The following NEK1 variants were observed in gnomAD, a reference collection of about 807,000 sequenced individuals.
NEK1 encodes NIMA related kinase 1, also known as serine/threonine-protein kinase Nek1.
In NEK1, 137 loss-of-function variants were observed where a neutral mutation model predicts 182.1. That is an observed-to-expected ratio of 0.75 (90% CI 0.65 to 0.87). The LOEUF is 0.87. Among genes scored for constraint, NEK1 ranks in the 40% least tolerant of loss-of-function variants. The probability of loss-of-function intolerance (pLI) is 0.00; values close to 1 mark genes in which losing one functional copy is unlikely to be tolerated. For missense variants in NEK1, 1,391 were observed against 1,494.4 expected, an observed-to-expected ratio of 0.93 and a Z score of 1.14; for synonymous variants, 513 against 492.2, an observed-to-expected ratio of 1.04 and a Z score of -0.56.
rs4257622 is a variant in NEK1 at position 169,602,767 on chromosome 4, T to C, written c.-48-89A>G. On this transcript the variant is annotated intron_variant, in intron 2 of 35. Transcript: ENST00000507142. ...ATGTTTAATTCAAATTCTAATTCTT[T>C]AGTGATTTGCTAACATTTTAAAAAA... 0.073 allele frequency: 40,693 copies of C among 557,028 alleles called. 1,851 individuals carry two copies. Among genetic ancestry groups the C allele is most frequent in the African/African-American group, 0.16 (8,282 of 51,056 alleles). The allele number at this position is 557,028 out of a possible 1,614,324, so 34.5% of individuals were successfully genotyped here. A position where few individuals can be genotyped will look rare whatever the true frequency, so the allele number is the denominator to read the frequency against.
chr4:169,453,629 G>C (rs1246968722), intron 27 of NEK1, among the ~76,000 whole-genome samples: 1 of 152,260 alleles, frequency 6.6e-6, no homozygotes. Flanking sequence ...ACAATAGCAT[G>C]AGCGATCTGT....
At chr4:169,589,020 T>G (rs1425795433) in intron 7 of NEK1, among the ~76,000 whole-genome samples, 4 of 152,168 alleles carry the variant, frequency 2.6e-5, no homozygotes, top group African/African-American at 7.2e-5. Flanking sequence ...ACTCACTCAC[T>G]CACAGAAAGC....
intron 31 of NEK1, among the ~76,000 whole-genome samples, chr4:169,409,699 C>G (rs1236569379): frequency 6.6e-6 from 1 of 151,614 alleles, no homozygotes; most frequent in Admixed American, 6.6e-5. Flanking sequence ...ACCTAGGAGG[C>G]GGAGGTTGTA....
chr4:169,530,811 A>C (rs1757559966), intron 19 of NEK1, among the ~76,000 whole-genome samples: 1 of 151,356 alleles, frequency 6.6e-6, no homozygotes, highest in South Asian at 2.1e-4. Flanking sequence ...GCATGAATTT[A>C]TACATGTGTT....
At chr4:169,540,593 T>A (rs1052317003) in intron 18 of NEK1, among the ~76,000 whole-genome samples, 2 of 152,112 alleles carry the variant, frequency 1.3e-5, no homozygotes, top group Non-Finnish European at 2.9e-5. Flanking sequence ...CTATTAAGAA[T>A]TCACGTGAGC....
rs879171881 is a variant in NEK1 at position 169,406,852 on chromosome 4, G to GT, written c.3223-106dup. The GT allele has an allele frequency of 8.5e-5, 70 of 825,988 alleles. No homozygotes were observed. The South Asian group carries it at 1.4e-3, about 17-fold the overall frequency. The allele number at this position is 825,988 out of a possible 1,614,324, so 51.2% of individuals were successfully genotyped here. On this transcript the variant is annotated intron_variant, in intron 31 of 35. Transcript: ENST00000507142. The stretch of plus-strand genomic sequence containing the variant: ...CAATTTTGTTACATATGTGTAAAAT[G>GT]TAACATATAAAAAGTTTTTTTATAT...
chr4:169,451,313 C>T (rs1157415340), intron 27 of NEK1, among the ~76,000 whole-genome samples: 1 of 152,148 alleles, frequency 6.6e-6, no homozygotes, highest in Non-Finnish European at 1.5e-5. Flanking sequence ...AACTCTCCAC[C>T]CCAAATCAAC....
At chr4:169,562,642 G>A (rs1180275409) in intron 12 of NEK1, among the ~76,000 whole-genome samples, 1 of 152,010 alleles carries the variant, frequency 6.6e-6, no homozygotes, top group African/African-American at 2.4e-5. Context: ...TTTCATTAGT[G>A]TCCTTCAGAG....
rs749682356 is a variant in NEK1 at position 169,433,532 on chromosome 4, A to G, written c.2885+13T>C. 6.3e-7 allele frequency: 1 copy of G among 1,596,154 alleles called. No homozygotes were observed. Among genetic ancestry groups the G allele is most frequent in the Non-Finnish European group, 8.5e-7 (1 of 1,174,270 alleles). On this transcript the variant is annotated intron_variant, in intron 29 of 35. Coordinates refer to ENST00000507142, the MANE Select transcript of NEK1 (RefSeq NM_001199397.3). ...GACCTGGGTTTTAAAATGTCAGGAA[A>G]AGATGTACATACTGAGTTTCCTTTG...
At chr4:169,591,519 A>C (rs1768509506) in intron 5 of NEK1, among the ~76,000 whole-genome samples, 1 of 152,098 alleles carries the variant, frequency 6.6e-6, no homozygotes, top group Non-Finnish European at 1.5e-5. Context: ...GAAAAAAATC[A>C]AGCTGGAAAT....
intron 35 of NEK1, among the ~76,000 whole-genome samples, chr4:169,396,344 C>T (rs923456961): frequency 5.5e-5 from 6 of 109,412 alleles, no homozygotes; most frequent in Middle Eastern, 0.011. Context: ...CCAGCCTGGG[C>T]GACAGAGCAA....
At chr4:169,538,030 A>G in intron 18 of NEK1, 119 bp from the exon 19 acceptor site, 1 of 620,966 alleles carries the variant, frequency 1.6e-6, no homozygotes, top group Non-Finnish European at 2.8e-6. Flanking sequence ...ATGAAACACT[A>G]TCTCTGTAAT....
At chr4:169,487,185 G>A (rs1290738545) in intron 23 of NEK1, among the ~76,000 whole-genome samples, 1 of 152,046 alleles carries the variant, frequency 6.6e-6, no homozygotes, top group African/African-American at 2.4e-5. Flanking sequence ...AAGTTCCAGG[G>A]TACATGTGCA....
intron 19 of NEK1, among the ~76,000 whole-genome samples, chr4:169,526,449 A>G (rs1032512492): frequency 3.3e-5 from 5 of 152,198 alleles, no homozygotes; most frequent in African/African-American, 1.2e-4. Context: ...CAGATTTGCA[A>G]CACTGCAATT....
At chr4:169,455,358 TG>T (rs1742664753) in intron 27 of NEK1, among the ~76,000 whole-genome samples, 1 of 148,132 alleles carries the variant, frequency 6.8e-6, no homozygotes, top group Non-Finnish European at 1.5e-5. Flanking sequence ...AATGAACAGT[TG>T]CCTACAAGAA....
chr4:169,507,160 A>C, intron 22 of NEK1, 28 bp from the exon 23 acceptor site: 1 of 1,136,904 alleles, frequency 8.8e-7, no homozygotes, highest in Non-Finnish European at 1.3e-6. Flanking sequence ...TAACAAAATG[A>C]GTTACCAGAA....
chr4:169,539,218 C>A (rs1040572197), intron 18 of NEK1, among the ~76,000 whole-genome samples: 6 of 152,154 alleles, frequency 3.9e-5, no homozygotes, highest in Non-Finnish European at 7.4e-5. Context: ...GAACACAATG[C>A]CTCTGTAGTG....
chr4:169,585,986 A>T lies in NEK1; in HGVS notation c.607-437T>A, dbSNP rs1013930601. On this transcript the variant is annotated intron_variant, in intron 9 of 35. Transcript: ENST00000507142. ...AACTAAAAGTATTGGGGGAAAATATAATAAATAAAACTACTAATACTTTCC... is the reference window on the plus strand; with the variant it reads ...AACTAAAAGTATTGGGGGAAAATATTATAAATAAAACTACTAATACTTTCC... Among the ~76,000 whole-genome samples the T allele has an allele frequency of 2.0e-5, 3 of 152,162 alleles. No homozygotes were observed. The East Asian group carries it at 5.8e-4, about 29-fold the overall frequency.
In NEK1 at chr4:169,562,205, A is replaced by C; in HGVS notation, c.1021-9T>G. The C allele has an allele frequency of 6.6e-7, 1 of 1,512,634 alleles. No homozygotes were observed. The highest frequency in any genetic ancestry group is 1.3e-5 in the South Asian group (1 of 76,338). 93.7% of individuals were successfully genotyped at this position (1,512,634 alleles called of 1,614,324 possible). ...TCTGGAGTTTGATGGGCCTGGACAA[A>C]AAGTAAAACTACAAATTAAATAAAG... On this transcript the variant is annotated splice_polypyrimidine_tract_variant and intron_variant, in intron 12 of 35. Transcript: ENST00000507142.
Sources: gnomAD v4.1 joint callset for allele counts (sites outside exome capture counted in the v4.1 genomes callset) on GRCh38, gnomAD v4.1.1 for gene constraint, MANE v1.5 for transcripts, NCBI Gene and HGNC (gene_info 2026-07-23, HGNC 2026-07-21) for gene names.